Variants in NT5DC3 observed in about 807,000 individuals in gnomAD.
NT5DC3 encodes the protein 5'-nucleotidase domain containing 3.
In NT5DC3, 42 loss-of-function variants were observed where a neutral mutation model predicts 67.8. The ratio of observed to expected loss-of-function variants is 0.62; its 90% CI spans 0.48 to 0.80. The LOEUF (loss-of-function observed/expected upper bound fraction) is 0.80, where lower values mean the gene tolerates loss of function less well. NT5DC3 is among the 30% of genes least tolerant of loss of function. NT5DC3 has a pLI of 0.00. For missense variants in NT5DC3, 570 were observed against 696.4 expected (o/e 0.82, Z 2.04); for synonymous variants, 237 against 255.6 (o/e 0.93, Z 0.69).
At chr12:103,760,694 ACATG>A in the NT5DC3 span, among the ~76,000 whole-genome samples, 1 of 152,180 alleles carries the variant, frequency 6.6e-6, no homozygotes, top group South Asian at 2.1e-4. Flanking sequence ...AGGTTCTGAG[ACATG>A]CAGAGAGTAG....
intron 10 of NT5DC3, 33 bp from the exon 11 acceptor site, chr12:103,787,560 T>C (rs1439515748): frequency 1.6e-6 from 2 of 1,268,856 alleles, no homozygotes; most frequent in East Asian, 4.7e-5. Context: ...TTATTATTAT[T>C]ACAGATAGAG....
intron 1 of NT5DC3, among the ~76,000 whole-genome samples, chr12:103,835,308 G>C (rs1374518615): frequency 6.6e-6 from 1 of 152,162 alleles, no homozygotes; most frequent in Non-Finnish European, 1.5e-5. Flanking sequence ...AGAAGAAAAA[G>C]CCTCATGAAT....
the NT5DC3 span, among the ~76,000 whole-genome samples, chr12:103,751,465 G>C: frequency 6.6e-6 from 1 of 152,192 alleles, no homozygotes; most frequent in Non-Finnish European, 1.5e-5. Context: ...TCCATCCTGA[G>C]ACCAAATGCA....
At chr12:103,826,299 A>G (rs1183031144) in intron 1 of NT5DC3, among the ~76,000 whole-genome samples, 9 of 152,232 alleles carry the variant, frequency 5.9e-5, no homozygotes, top group Non-Finnish European at 2.9e-5. Flanking sequence ...GTTATCTTAC[A>G]TGGCAAGGGA....
intron 6 of NT5DC3, among the ~76,000 whole-genome samples, chr12:103,796,540 G>A (rs1434348591): frequency 6.6e-6 from 1 of 152,098 alleles, no homozygotes; most frequent in Non-Finnish European, 1.5e-5. Flanking sequence ...AAAAAGAAGA[G>A]GCACCCTTGC....
At chr12:103,765,148 C>CTAAG in the NT5DC3 span, among the ~76,000 whole-genome samples, 1 of 142,180 alleles carries the variant, frequency 7.0e-6, no homozygotes, top group Non-Finnish European at 1.5e-5. Context: ...CATTTGTTAA[C>CTAAG]TAAGTACTGT....
At chr12:103,761,295 C>T in the NT5DC3 span, 4 of 1,613,726 alleles carry the variant, frequency 2.5e-6, no homozygotes, top group Middle Eastern at 3.3e-4. Flanking sequence ...TTCTCATTTC[C>T]CTAGACGGAG....
chr12:103,780,416 T>C lies in NT5DC3; in HGVS notation c.1330-52A>G, dbSNP rs536438884. On this transcript the variant is annotated intron_variant, in intron 12 of 13. Transcript: ENST00000392876. ...ACTGTTTTGATTTCAAATAAGCTCA[T>C]TACGTAATGAGAATTTTTTAATGAG... 5.9e-6 allele frequency: 9 copies of C among 1,535,498 alleles called. No homozygotes were observed. In the East Asian group the frequency reaches 1.6e-4, roughly 27 times the overall value.
chr12:103,793,434 A>G lies in NT5DC3; in HGVS notation c.893T>C (p.Ile298Thr), dbSNP rs896113762. The G allele has an allele frequency of 2.5e-6, 4 of 1,614,062 alleles. No homozygotes were observed. The highest frequency in any genetic ancestry group is 3.4e-6 in the Non-Finnish European group (4 of 1,179,994). The change falls in exon 8 of 14, where the codon ATC (isoleucine) becomes ACC (threonine). Residue 298 changes from isoleucine to threonine, a missense_variant. Ile to Thr is a moderately conservative substitution (Grantham distance 89). Around this residue, in one of 2 missense-constraint regions of NT5DC3, gnomAD observed 466 missense variants for 608.0 expected, o/e 0.77. Coordinates refer to ENST00000392876, the MANE Select transcript of NT5DC3 (RefSeq NM_001031701.3). Reference sequence around the variant, plus strand: ...CACAAAGCTACTGGGGCTATTGGTGATGAGAAACATCTTCTTGCCATGATC... The same window carrying G: ...CACAAAGCTACTGGGGCTATTGGTGGTGAGAAACATCTTCTTGCCATGATC... ...LADHGKKMFL[I>T]TNSPSSFVDK...
the NT5DC3 span, chr12:103,759,349 A>G: frequency 6.4e-7 from 1 of 1,556,604 alleles, no homozygotes; most frequent in Non-Finnish European, 8.7e-7. Flanking sequence ...TAGGTGCTTA[A>G]TAGATGGCAA....
intron 4 of NT5DC3, among the ~76,000 whole-genome samples, chr12:103,802,994 G>C (rs868268048): frequency 6.6e-6 from 1 of 152,148 alleles, no homozygotes. Flanking sequence ...GTCCAGGATG[G>C]AGTGCCCTGC....
the NT5DC3 span, among the ~76,000 whole-genome samples, chr12:103,758,906 C>T: frequency 6.6e-6 from 1 of 152,208 alleles, no homozygotes; most frequent in Non-Finnish European, 1.5e-5. Context: ...GAAAGCTCTG[C>T]TCTAGACAAT....
rs1885258833 is a variant in NT5DC3, at chr12:103,773,946, CATA to C, written c.*3880_*3882del. 6.6e-6 allele frequency: 1 copy of C among 152,534 alleles called. No individual in the cohort carries two copies. Among genetic ancestry groups the C allele is most frequent in the South Asian group, 2.1e-4 (1 of 4,834 alleles). 9.4% of individuals were successfully genotyped at this position (152,534 alleles called of 1,614,324 possible). The stretch of plus-strand genomic sequence containing the variant: ...AATCAGTAGCAAGTGGTTTATGTTA[CATA>C]ATATTAATGGGAATAGCAGAAAATA... On this transcript the variant is annotated 3_prime_UTR_variant, in exon 14 of 14. Transcript: ENST00000392876.
the NT5DC3 span, chr12:103,761,266 G>A: frequency 1.3e-6 from 2 of 1,599,662 alleles, no homozygotes; most frequent in Non-Finnish European, 1.7e-6. Flanking sequence ...CACTCGGAGA[G>A]TAAAAGCCAT....
chr12:103,789,390 C>G (rs1566103382), intron 9 of NT5DC3, among the ~76,000 whole-genome samples: 1 of 152,022 alleles, frequency 6.6e-6, no homozygotes, highest in African/African-American at 2.4e-5. Flanking sequence ...TGCCACTGCA[C>G]TTCAGCCTGG....
intron 12 of NT5DC3, among the ~76,000 whole-genome samples, chr12:103,784,604 C>G (rs1251055389): frequency 6.6e-6 from 1 of 152,186 alleles, no homozygotes; most frequent in African/African-American, 2.4e-5. Context: ...AATGTCAGCA[C>G]CCATGCTGAG....
At chr12:103,746,602 C>T in the NT5DC3 span, 2 of 1,613,972 alleles carry the variant, frequency 1.2e-6, no homozygotes, top group Non-Finnish European at 1.7e-6. Flanking sequence ...TGCAGTTTTG[C>T]CTGCAGTGTG....
At position 103,777,705 on chromosome 12, in the gene NT5DC3, A is replaced by C; in HGVS notation, c.*124T>G. The C allele has an allele frequency of 1.8e-6, 2 of 1,129,194 alleles. No individual in the cohort carries two copies. The highest frequency in any genetic ancestry group is 2.5e-6 in the Non-Finnish European group (2 of 789,534). 69.9% of individuals were successfully genotyped at this position (1,129,194 alleles called of 1,614,324 possible). ...TTGGGAGAATTATTCTCCGTAAGGT[A>C]CAAAATAAATATCAAAAGGCTTATC... On this transcript the variant is annotated 3_prime_UTR_variant, in exon 14 of 14. Coordinates refer to ENST00000392876, the MANE Select transcript of NT5DC3 (RefSeq NM_001031701.3).
rs546807641 is a variant in NT5DC3, at chr12:103,819,963, G to A, written c.209-4842C>T. Among the ~76,000 whole-genome samples the A allele has an allele frequency of 1.3e-4, 20 of 152,212 alleles. No homozygotes were observed. The East Asian group carries it at 2.7e-3, about 21-fold the overall frequency. On this transcript the variant is annotated intron_variant, in intron 1 of 13. Coordinates refer to ENST00000392876, the MANE Select transcript of NT5DC3 (RefSeq NM_001031701.3). ...CACCCCAGCTTTCCCAGCAACTACC[G>A]CTCCACTTTCTGTCTCTATGAATCT... is the stretch of plus-strand genomic sequence containing the variant.
Sources: gnomAD v4.1 joint callset for allele counts (sites outside exome capture counted in the v4.1 genomes callset) on GRCh38, gnomAD v4.1.1 for gene constraint, gnomAD v4.1.1 regional missense constraint, MANE v1.5 for transcripts, NCBI Gene and HGNC (gene_info 2026-07-23, HGNC 2026-07-21) for gene names.